Variants in RORB observed in about 807,000 individuals in gnomAD.
RORB encodes RAR related orphan receptor B, also known as nuclear receptor ROR-beta.
Under a neutral mutation model 59.1 loss-of-function variants are expected in RORB, and 6 were observed. The ratio of observed to expected loss-of-function variants is 0.10; its 90% confidence interval spans 0.06 to 0.20. The LOEUF is 0.20. RORB is among the 10% of genes least tolerant of loss of function. The probability of loss-of-function intolerance (pLI) is 1.00; values close to 1 mark genes in which losing one functional copy is unlikely to be tolerated. For synonymous variants in RORB, 215 were observed against 204.5 expected (o/e 1.05, Z -0.44); for missense variants, 320 against 560.5 (o/e 0.57, Z 4.33).
chr9:74,514,173 G>T (rs1587335334), intron 1 of RORB, among the ~76,000 whole-genome samples: 1 of 152,162 alleles, frequency 6.6e-6, no homozygotes, highest in East Asian at 1.9e-4. Context: ...TCAAGTTTTT[G>T]AAAGTGCTAG....
chr9:74,532,836 A>ATACACATATATATGTGTATATATG (rs1242957020), intron 1 of RORB, among the ~76,000 whole-genome samples: 4 of 135,060 alleles, frequency 3.0e-5, no homozygotes, highest in African/African-American at 1.1e-4. Context: ...GTGTATATAT[A>ATACACATATATATGTGTATATATG]TACACATATA....
chr9:74,683,032 C>T (rs1378110824), intron 9 of RORB, among the ~76,000 whole-genome samples: 1 of 152,210 alleles, frequency 6.6e-6, no homozygotes, highest in East Asian at 1.9e-4. Context: ...CTGAGCTTCA[C>T]CCAAACTCAC....
intron 1 of RORB, among the ~76,000 whole-genome samples, chr9:74,573,787 G>A (rs1228851914): frequency 6.6e-6 from 1 of 152,146 alleles, no homozygotes; most frequent in Non-Finnish European, 1.5e-5. Context: ...GAGGGAAAGG[G>A]TAGGGAAGGG....
At chr9:74,632,374 T>C (rs1224727682) in intron 2 of RORB, among the ~76,000 whole-genome samples, 1 of 152,190 alleles carries the variant, frequency 6.6e-6, no homozygotes, top group Non-Finnish European at 1.5e-5. Flanking sequence ...GTAAATATGC[T>C]ACTTTTTTCT....
intron 3 of RORB, among the ~76,000 whole-genome samples, chr9:74,641,623 G>A (rs1004700049): frequency 3.9e-5 from 6 of 152,056 alleles, no homozygotes; most frequent in Non-Finnish European, 7.4e-5. Flanking sequence ...CGGCCTGGCC[G>A]GGTGCAGTGG....
chr9:74,593,455 C>G lies in RORB; in HGVS notation c.8-36827C>G, dbSNP rs12236112. On this transcript the variant is annotated intron_variant, in intron 1 of 9. Coordinates refer to ENST00000376896, the MANE Select transcript of RORB (RefSeq NM_006914.4). The stretch of plus-strand genomic sequence containing the variant: ...CACTCCAGCCTGGGCAACAAGAGCT[C>G]AAACTCCATCTAAAAAAAAAAAAAA... Among the ~76,000 whole-genome samples the G allele has an allele frequency of 3.4e-3, 362 of 106,304 alleles. 8 individuals carry two copies. In the East Asian group the frequency reaches 0.093, roughly 27 times the overall value. 69.7% of individuals were successfully genotyped at this position (106,304 alleles called of 152,430 possible). A position where few individuals can be genotyped will look rare whatever the true frequency, so the allele number is the denominator to read the frequency against.
At chr9:74,550,605 T>C (rs986148358) in intron 1 of RORB, among the ~76,000 whole-genome samples, 1 of 152,240 alleles carries the variant, frequency 6.6e-6, no homozygotes, top group Non-Finnish European at 1.5e-5. Flanking sequence ...ACCTTTCAAT[T>C]ACCACTTGAC....
In RORB at chr9:74,662,569, G is replaced by A; in HGVS notation, c.855G>A (p.Glu285=). 2 of 1,614,022 alleles carry A rather than the reference G, an allele frequency of 1.2e-6. No individual in the cohort carries two copies. Among genetic ancestry groups the A allele is most frequent in the South Asian group, 1.1e-5 (1 of 91,076 alleles). The change falls in exon 6 of 10, where the codon GAG becomes GAA. Residue 285 remains glutamate, a synonymous_variant. Coordinates refer to ENST00000376896, the MANE Select transcript of RORB (RefSeq NM_006914.4). ...CAAAGCGGATAACAGGCTTCATGGA[G>A]CTCTGTCAAAATGATCAAATTCTAC... ...EFAKRITGFM[E]LCQNDQILLL...
chr9:74,661,117 C>A (rs1587411725), intron 5 of RORB, among the ~76,000 whole-genome samples: 1 of 152,150 alleles, frequency 6.6e-6, no homozygotes, highest in Non-Finnish European at 1.5e-5. Flanking sequence ...CAGTTGTAAT[C>A]GTCACAAACT....
chr9:74,533,334 G>A (rs1826275187), intron 1 of RORB, among the ~76,000 whole-genome samples: 1 of 151,940 alleles, frequency 6.6e-6, no homozygotes, highest in Admixed American at 6.6e-5. Context: ...TTCCACAGGA[G>A]CCTCATTCAG....
At chr9:74,574,861 GA>G (rs1822607783) in intron 1 of RORB, among the ~76,000 whole-genome samples, 1 of 152,086 alleles carries the variant, frequency 6.6e-6, no homozygotes, top group Non-Finnish European at 1.5e-5. Flanking sequence ...AACACCTCAG[GA>G]AGGAGTTTTA....
chr9:74,598,182 A>G (rs553647836), intron 1 of RORB, among the ~76,000 whole-genome samples: 22 of 152,222 alleles, frequency 1.4e-4, no homozygotes, highest in South Asian at 4.1e-4. Context: ...TTGCCCATCA[A>G]CCGATTGGGG....
intron 1 of RORB, among the ~76,000 whole-genome samples, chr9:74,556,958 T>G (rs1822302842): frequency 6.6e-6 from 1 of 152,306 alleles, no homozygotes; most frequent in African/African-American, 2.4e-5. Flanking sequence ...GATAATTTTT[T>G]TTTCTGCTCT....
intron 1 of RORB, among the ~76,000 whole-genome samples, chr9:74,525,248 A>G (rs949248029): frequency 3.7e-4 from 56 of 152,032 alleles, no homozygotes; most frequent in African/African-American, 1.3e-3. Context: ...CCTTTGTAAG[A>G]AAAATATAGA....
chr9:74,544,183 G>A (rs1354064868), intron 1 of RORB, among the ~76,000 whole-genome samples: 2 of 152,152 alleles, frequency 1.3e-5, no homozygotes, highest in Admixed American at 1.3e-4. Flanking sequence ...TTGCCTTGGT[G>A]CCTCTGTTTG....
chr9:74,677,037 C>A (rs749040388), intron 9 of RORB, among the ~76,000 whole-genome samples: 11 of 152,202 alleles, frequency 7.2e-5, no homozygotes, highest in Admixed American at 2.6e-4. Context: ...GACAGATCCT[C>A]TCTCACACAG....
chr9:74,556,715 G>A (rs1226098332), intron 1 of RORB, among the ~76,000 whole-genome samples: 1 of 152,140 alleles, frequency 6.6e-6, no homozygotes, highest in Non-Finnish European at 1.5e-5. Context: ...TCCTTTAAAA[G>A]TATTTACCTA....
intron 9 of RORB, among the ~76,000 whole-genome samples, chr9:74,679,300 A>G (rs920892363): frequency 6.6e-6 from 1 of 152,158 alleles, no homozygotes; most frequent in Non-Finnish European, 1.5e-5. Context: ...TAAAAGTATA[A>G]CATACATAGG....
chr9:74,660,061 A>G (rs1416429447), intron 4 of RORB, among the ~76,000 whole-genome samples: 9 of 152,164 alleles, frequency 5.9e-5, no homozygotes, highest in Admixed American at 5.9e-4. Flanking sequence ...CCCAAAGTCA[A>G]ATCTACAAAA....
Sources: gnomAD v4.1 joint callset for allele counts (sites outside exome capture counted in the v4.1 genomes callset) on GRCh38, gnomAD v4.1.1 for gene constraint, MANE v1.5 for transcripts, NCBI Gene and HGNC (gene_info 2026-07-23, HGNC 2026-07-21) for gene names.